The following ARHGEF10 variants were observed in gnomAD, a reference collection of about 807,000 sequenced individuals.
ARHGEF10 encodes Rho guanine nucleotide exchange factor (GEF) 10.
In ARHGEF10, 140 loss-of-function variants were observed where a neutral mutation model predicts 147.4. The ratio of observed to expected loss-of-function variants is 0.95; its 90% CI spans 0.83 to 1.09. The LOEUF is 1.09. Among genes scored for constraint, ARHGEF10 ranks in the 50% least tolerant of loss-of-function variants. ARHGEF10 has a pLI of 0.00. For synonymous variants in ARHGEF10, 902 were observed against 695.8 expected, an observed-to-expected ratio of 1.30 and a Z score of -4.67; for missense variants, 2,222 against 1,752.7, an observed-to-expected ratio of 1.27 and a Z score of -4.78.
rs1443848690 is a variant in ARHGEF10, at chr8:1,832,795, G to A, written c.-48+8682G>A. ...ACAGAGGCAGAGACAGAGAGAGACA[G>A]AGGCAGAGGCAGAGACAGAGGCAGA... On this transcript the variant is annotated intron_variant, in intron 1 of 28. Transcript: ENST00000349830. Among the ~76,000 whole-genome samples, 3 of 114,342 alleles carry A rather than the reference G, an allele frequency of 2.6e-5. 1 individual carries two copies. The highest frequency in any genetic ancestry group is 1.1e-4 in the African/African-American group (3 of 28,500). The allele number at this position is 114,342 out of a possible 152,430, so 75.0% of individuals were successfully genotyped here. A position where few individuals can be genotyped will look rare whatever the true frequency, so the allele number is the denominator to read the frequency against.
In ARHGEF10 at chr8:1,846,777, G is replaced by A. The variant is rs138540513; in HGVS notation, c.37+3341G>A. Among the ~76,000 whole-genome samples the A allele has an allele frequency of 2.4e-3, 370 of 152,106 alleles. 3 individuals are homozygous for A. Among genetic ancestry groups the A allele is most frequent in the African/African-American group, 8.1e-3 (337 of 41,514 alleles). The stretch of plus-strand genomic sequence containing the variant: ...TTTTTAGTAGAGACAGGGTTTCACC[G>A]TGTTGGCCAGGCTGGTCTCGAACTC... On this transcript the variant is annotated intron_variant, in intron 2 of 28. Coordinates refer to ENST00000349830, the MANE Select transcript of ARHGEF10 (RefSeq NM_014629.4).
Position 1,923,563 on chromosome 8 carries a change from A to G in ARHGEF10, c.2355A>G (p.Arg785=). 6.2e-7 allele frequency: 1 copy of G among 1,614,118 alleles called. No individual in the cohort carries two copies. The highest frequency in any genetic ancestry group is 8.5e-7 in the Non-Finnish European group (1 of 1,180,044). The change falls in exon 20 of 29, where the codon AGA becomes AGG. Residue 785 remains arginine (R), a synonymous_variant. Coordinates refer to ENST00000349830, the MANE Select transcript of ARHGEF10 (RefSeq NM_014629.4). ...EDEIRAADCC[R]IQLQLPGKQD... Reference sequence around the variant, plus strand: ...AAATCAGAGCTGCGGACTGCTGCAGAATTCAGTTACAGCTTCCCGGGAAGC... The same window carrying G: ...AAATCAGAGCTGCGGACTGCTGCAGGATTCAGTTACAGCTTCCCGGGAAGC...
At position 1,897,416 on chromosome 8, in the gene ARHGEF10, C is replaced by A. The variant is rs550413232; in HGVS notation, c.1557+967C>A. 1.3e-4 allele frequency among the ~76,000 whole-genome samples: 19 copies of A among 150,346 alleles called. No individual in the cohort carries two copies. The East Asian group carries it at 1.4e-3, about 11-fold the overall frequency. The stretch of plus-strand genomic sequence containing the variant: ...AGTTCCCCCTCTGGACAGCTGTGGG[C>A]TCTGTCCTAAGGGATCGGATCGCAG... On this transcript the variant is annotated intron_variant, in intron 14 of 28. Transcript: ENST00000349830.
rs557003767 is a variant in ARHGEF10, at chr8:1,884,581, A to C, written c.1076-1020A>C. On this transcript the variant is annotated intron_variant, in intron 10 of 28. Coordinates refer to ENST00000349830, the MANE Select transcript of ARHGEF10 (RefSeq NM_014629.4). ...GCTGATCCGTTGATCTCTGAGGGAA[A>C]AGTCTGGGCATCAGTAGGTTTTAAA... Among the ~76,000 whole-genome samples, 3 of 152,256 alleles carry C rather than the reference A, an allele frequency of 2.0e-5. No homozygotes were observed. The East Asian group carries it at 5.8e-4, about 29-fold the overall frequency.
chr8:1,903,052 T>C (rs1810598010), intron 15 of ARHGEF10, among the ~76,000 whole-genome samples: 1 of 152,110 alleles, frequency 6.6e-6, no homozygotes, highest in Non-Finnish European at 1.5e-5. Flanking sequence ...TGTCCTTTAT[T>C]GTACAGTGCT....
At chr8:1,949,752 A>G (rs1006807430) in intron 27 of ARHGEF10, among the ~76,000 whole-genome samples, 12 of 152,130 alleles carry the variant, frequency 7.9e-5, no homozygotes, top group East Asian at 5.8e-4. Context: ...ACCGGACTCA[A>G]GATGGTGAGT....
chr8:1,871,112 C>CAAAAAAAAAAAAAAAAAAAAAAAAA (rs779598908), intron 7 of ARHGEF10: 1 of 78,976 alleles, frequency 1.3e-5, no homozygotes, highest in Non-Finnish European at 2.5e-5. Flanking sequence ...AACTCTGTGT[C>CAAAAAAAAAAAAAAAAAAAAAAAAA]AAAAAAAAAA....
chr8:1,956,146 G>A (rs1344705917), intron 28 of ARHGEF10, among the ~76,000 whole-genome samples: 1 of 152,206 alleles, frequency 6.6e-6, no homozygotes, highest in African/African-American at 2.4e-5. Flanking sequence ...AATCAGTGTG[G>A]GGGTTGCGGG....
chr8:1,873,437 C>T (rs1284806287), intron 7 of ARHGEF10, among the ~76,000 whole-genome samples: 1 of 151,208 alleles, frequency 6.6e-6, no homozygotes, highest in Non-Finnish European at 1.5e-5. Context: ...GAGAGGAGCC[C>T]GCGGGGTAGT....
intron 11 of ARHGEF10, among the ~76,000 whole-genome samples, 183 bp downstream of exon 11, chr8:1,885,890 G>A (rs1209043154): frequency 2.0e-5 from 3 of 152,190 alleles, no homozygotes; most frequent in Non-Finnish European, 2.9e-5. Context: ...GCAAGGGTCT[G>A]GGGGGACGCT....
rs555471223 is a variant in ARHGEF10 at position 1,827,963 on chromosome 8, G to C, written c.-48+3850G>C. Among the ~76,000 whole-genome samples the C allele has an allele frequency of 9.2e-5, 14 of 152,298 alleles. No individual in the cohort carries two copies. In the South Asian group the frequency reaches 2.9e-3, roughly 32 times the overall value. ...GATGCATGGCTGTCTGCGTAGAATA[G>C]GCCTGGCTGCATCAGCATTGGCTAG... On this transcript the variant is annotated intron_variant, in intron 1 of 28. Coordinates refer to ENST00000349830, the MANE Select transcript of ARHGEF10 (RefSeq NM_014629.4).
At chr8:1,872,971 T>G (rs13277172) in intron 7 of ARHGEF10, among the ~76,000 whole-genome samples, 30,552 of 149,608 alleles carry the variant, frequency 0.2, 3,472 homozygotes, top group East Asian at 0.36. Flanking sequence ...GAAATGCATT[T>G]TGGGGTAATT....
At chr8:1,835,533 C>T (rs1803528514) in intron 1 of ARHGEF10, among the ~76,000 whole-genome samples, 1 of 152,212 alleles carries the variant, frequency 6.6e-6, no homozygotes, top group South Asian at 2.1e-4. Context: ...GTCAGCATGA[C>T]AGCTCATGCT....
chr8:1,846,931 T>C (rs1413820223), intron 2 of ARHGEF10, among the ~76,000 whole-genome samples: 30 of 152,204 alleles, frequency 2.0e-4, no homozygotes, highest in Non-Finnish European at 1.5e-5. Context: ...TTTGTGTTTG[T>C]GAGTATTTTC....
At position 1,953,936 on chromosome 8, in the gene ARHGEF10, C is replaced by T. The variant is rs934120996; in HGVS notation, c.3520+1109C>T. 1.1e-4 allele frequency among the ~76,000 whole-genome samples: 16 copies of T among 152,296 alleles called. No homozygotes were observed. The Middle Eastern group carries it at 0.01, about 97-fold the overall frequency. On this transcript the variant is annotated intron_variant, in intron 28 of 28. Transcript: ENST00000349830. ...GTGATTTCCTCCCAGGCCGACCTGA[C>T]GGTGGCTTCCGTGCACTCAGATTTT...
intron 18 of ARHGEF10, among the ~76,000 whole-genome samples, chr8:1,915,827 G>A (rs926636237): frequency 1.1e-4 from 16 of 152,234 alleles, no homozygotes; most frequent in African/African-American, 2.2e-4. Flanking sequence ...ACTAGTCCAC[G>A]TGATCTGCTG....
chr8:1,937,388 A>G lies in ARHGEF10; in HGVS notation c.3222+3446A>G. Among the ~76,000 whole-genome samples the G allele has an allele frequency of 6.6e-6, 1 of 152,120 alleles. No homozygotes were observed. Among genetic ancestry groups the G allele is most frequent in the Non-Finnish European group, 1.5e-5 (1 of 68,026 alleles). On this transcript the variant is annotated intron_variant, in intron 26 of 28. Coordinates refer to ENST00000349830, the MANE Select transcript of ARHGEF10 (RefSeq NM_014629.4). The surrounding 1 kb of genome is among the most constrained non-coding windows in gnomAD (Gnocchi z 4.9). ...TACAGAGGGAGCTCAGCCATATAGT[A>G]TACGGTGATCTTGGATCAGCCGCCT... is the stretch of plus-strand genomic sequence containing the variant.
At chr8:1,919,336 C>A (rs912103703) in intron 18 of ARHGEF10, among the ~76,000 whole-genome samples, 1 of 145,216 alleles carries the variant, frequency 6.9e-6, no homozygotes, top group African/African-American at 2.6e-5. Flanking sequence ...TGGAGCTGTT[C>A]TGTGGGTAAT....
At chr8:1,845,987 T>C (rs1804533532) in intron 2 of ARHGEF10, among the ~76,000 whole-genome samples, 1 of 152,196 alleles carries the variant, frequency 6.6e-6, no homozygotes, top group Non-Finnish European at 1.5e-5. Context: ...GTCCACGCCC[T>C]CTGGGTGCAG....
Sources: gnomAD v4.1 joint callset for allele counts (sites outside exome capture counted in the v4.1 genomes callset) on GRCh38, gnomAD v4.1.1 for gene constraint, Gnocchi (gnomAD v3.1) non-coding constraint, MANE v1.5 for transcripts, NCBI Gene and HGNC (gene_info 2026-07-23, HGNC 2026-07-21) for gene names.